Variants in PYM1 observed in about 807,000 individuals in gnomAD.
PYM1 encodes PYM1 exon junction complex associated factor, also known as partner of Y14 and mago.
A neutral mutation model predicts 20.7 loss-of-function variants in PYM1; 7 were observed. The observed-to-expected ratio is 0.34, with a 90% CI of 0.19 to 0.64. PYM1 has a LOEUF of 0.64. Ranked by LOEUF, PYM1 falls within the 30% of genes least tolerant of loss-of-function variation. The pLI is 0.74. For synonymous variants in PYM1, 100 were observed against 99.2 expected, an observed-to-expected ratio of 1.01 and a Z score of -0.05; for missense variants, 194 against 250.0, an observed-to-expected ratio of 0.78 and a Z score of 1.51.
chr12:55,910,519 T>C (rs1372233232), intron 1 of PYM1, among the ~76,000 whole-genome samples: 1 of 152,092 alleles, frequency 6.6e-6, no homozygotes, highest in Admixed American at 6.6e-5. Flanking sequence ...CTTGGCTCAC[T>C]GCAACCTCCG....
intron 1 of PYM1, among the ~76,000 whole-genome samples, chr12:55,922,256 G>A (rs1317186850): frequency 1.3e-5 from 2 of 151,746 alleles, no homozygotes; most frequent in East Asian, 3.9e-4. Flanking sequence ...AAAGGAAGGG[G>A]GTAAAGCCTA....
chr12:55,906,309 G>T (rs1882816211), intron 1 of PYM1, among the ~76,000 whole-genome samples: 1 of 151,486 alleles, frequency 6.6e-6, no homozygotes. Flanking sequence ...TCAAGGGCTG[G>T]GCTTAATACA....
Position 55,901,769 on chromosome 12 carries a change from C to T in PYM1, c.*103G>A, listed in dbSNP as rs1426745360. On this transcript the variant is annotated 3_prime_UTR_variant, in exon 3 of 3. Coordinates refer to ENST00000408946, the MANE Select transcript of PYM1 (RefSeq NM_032345.3). ...TGGGCCGCAGGAGGTGGAAGTAAGC[C>T]AGTATGGGGGGTACCCCTCCTGACT... The T allele has an allele frequency of 1.4e-6, 2 of 1,468,952 alleles. No homozygotes were observed. Among genetic ancestry groups the T allele is most frequent in the Non-Finnish European group, 1.8e-6 (2 of 1,100,876 alleles). 91.0% of individuals were successfully genotyped at this position (1,468,952 alleles called of 1,614,324 possible).
intron 1 of PYM1, among the ~76,000 whole-genome samples, chr12:55,906,390 G>A (rs950358534): frequency 6.6e-6 from 1 of 152,078 alleles, no homozygotes; most frequent in Non-Finnish European, 1.5e-5. Context: ...GTGTGTGGCA[G>A]TGAAGAACAA....
intron 1 of PYM1, among the ~76,000 whole-genome samples, chr12:55,912,524 C>T (rs1882941736): frequency 6.6e-6 from 1 of 151,782 alleles, no homozygotes; most frequent in Admixed American, 6.6e-5. Context: ...GCAGAGGCTG[C>T]AGTGAGCCAA....
chr12:55,910,451 T>C (rs1167049893), intron 1 of PYM1, among the ~76,000 whole-genome samples: 2 of 151,920 alleles, frequency 1.3e-5, no homozygotes, highest in African/African-American at 2.4e-5. Flanking sequence ...CTAATTACTG[T>C]TTTTGTTTTT....
At chr12:55,917,895 G>C (rs1161607164) in intron 1 of PYM1, among the ~76,000 whole-genome samples, 1 of 151,924 alleles carries the variant, frequency 6.6e-6, no homozygotes, top group Non-Finnish European at 1.5e-5. Flanking sequence ...GGGAGATAGA[G>C]GTTGTAGTGA....
chr12:55,914,137 G>C (rs1280264156), intron 1 of PYM1: 2 of 523,562 alleles, frequency 3.8e-6, no homozygotes, highest in Non-Finnish European at 3.4e-6. Context: ...TATTTAAGTT[G>C]ATTGCATAGA....
At chr12:55,903,052 A>T (rs1406989154) in intron 2 of PYM1, among the ~76,000 whole-genome samples, 2 of 152,154 alleles carry the variant, frequency 1.3e-5, no homozygotes, top group Non-Finnish European at 2.9e-5. Context: ...CAAAGTGCTC[A>T]GATTACAGAT....
At chr12:55,909,344 T>G (rs981498041) in intron 1 of PYM1, among the ~76,000 whole-genome samples, 2 of 152,158 alleles carry the variant, frequency 1.3e-5, no homozygotes, top group Admixed American at 6.6e-5. Context: ...GATAGCATTT[T>G]CAGGCAACGA....
chr12:55,905,928 T>TA (rs1882802386), intron 1 of PYM1, among the ~76,000 whole-genome samples: 1 of 116,558 alleles, frequency 8.6e-6, no homozygotes, highest in East Asian at 2.3e-4. Flanking sequence ...TTATTATATA[T>TA]ATCTAATAGA....
chr12:55,908,291 C>T (rs997333716), intron 1 of PYM1, among the ~76,000 whole-genome samples: 1 of 151,374 alleles, frequency 6.6e-6, no homozygotes, highest in Non-Finnish European at 1.5e-5. Flanking sequence ...ATTAGCTGGG[C>T]ATGGTGGCAC....
chr12:55,927,715 G>A lies in PYM1; in HGVS notation c.37+10C>T. ...GGCGTGCAAGGCGGAGGGCGCCGCG[G>A]GTCGGTCACCTGTCTCCGTAGCCGC... On this transcript the variant is annotated intron_variant, in intron 1 of 2. Transcript: ENST00000408946. 1.3e-6 allele frequency: 2 copies of A among 1,539,674 alleles called. No homozygotes were observed. Among genetic ancestry groups the A allele is most frequent in the Non-Finnish European group, 1.7e-6 (2 of 1,146,308 alleles).
intron 1 of PYM1, among the ~76,000 whole-genome samples, chr12:55,911,512 T>C (rs1882922406): frequency 6.6e-6 from 1 of 152,100 alleles, no homozygotes; most frequent in Non-Finnish European, 1.5e-5. Flanking sequence ...GGTAAAATAT[T>C]TTTATTTTCT....
chr12:55,903,467 C>A lies in PYM1; in HGVS notation c.51G>T (p.Ala17=). The A allele has an allele frequency of 6.2e-7, 1 of 1,613,858 alleles. No individual in the cohort carries two copies. The highest frequency in any genetic ancestry group is 8.5e-7 in the Non-Finnish European group (1 of 1,179,946). Reference sequence around the variant, plus strand: ...AGGTCCCGTCAGGTCGCTGTGTTGACGCGATATACTTGCCTAAAATAAGAA... The same window carrying A: ...AGGTCCCGTCAGGTCGCTGTGTTGAAGCGATATACTTGCCTAAAATAAGAA... ...PAATETGKYI[A]STQRPDGTWR... is the part of the protein sequence containing the mutation. Residue 17 remains alanine (A), a synonymous_variant, in exon 2 of 3, where the codon GCG becomes GCT. Transcript: ENST00000408946.
intron 1 of PYM1, among the ~76,000 whole-genome samples, chr12:55,918,863 A>G (rs1325805385): frequency 1.3e-5 from 2 of 152,188 alleles, no homozygotes; most frequent in Non-Finnish European, 2.9e-5. Flanking sequence ...GCAAGCGTCC[A>G]TCTCAAAAAA....
chr12:55,913,618 C>T (rs1053894946), intron 1 of PYM1: 3 of 152,058 alleles, frequency 2.0e-5, no homozygotes, highest in East Asian at 1.9e-4. Flanking sequence ...GACTTGACTT[C>T]GATGGTTTCT....
chr12:55,906,418 G>A (rs935844744), intron 1 of PYM1, among the ~76,000 whole-genome samples: 10 of 152,120 alleles, frequency 6.6e-5, no homozygotes, highest in African/African-American at 2.2e-4. Context: ...AGTATAATTT[G>A]GTGCCACTGC....
intron 2 of PYM1, among the ~76,000 whole-genome samples, chr12:55,902,651 A>T (rs957852675): frequency 2.2e-5 from 3 of 135,552 alleles, no homozygotes; most frequent in African/African-American, 8.5e-5. Flanking sequence ...CTAACTGTGT[A>T]TTTTTAGTAG....
Sources: gnomAD v4.1 joint callset for allele counts (sites outside exome capture counted in the v4.1 genomes callset) on GRCh38, gnomAD v4.1.1 for gene constraint, MANE v1.5 for transcripts, NCBI Gene and HGNC (gene_info 2026-07-23, HGNC 2026-07-21) for gene names.